Variants in PHYKPL observed in about 807,000 individuals in gnomAD.
PHYKPL encodes 5-phosphonooxy-L-lysine phospho-lyase.
In PHYKPL, 42 loss-of-function variants were observed where a neutral mutation model predicts 51.3. That is an observed-to-expected ratio of 0.82 (90% confidence interval 0.64 to 1.06). The LOEUF (loss-of-function observed/expected upper bound fraction) is 1.06, where lower values mean the gene tolerates loss of function less well. PHYKPL is among the 50% of genes least tolerant of loss of function. The pLI, the probability that PHYKPL is intolerant of heterozygous loss-of-function variation, is 0.00. For missense variants in PHYKPL, 655 were observed against 586.6 expected (o/e 1.12, Z -1.20); for synonymous variants, 264 against 236.0 (o/e 1.12, Z -1.09).
chr5:178,228,381 G>C (rs1581362898), intron 3 of PHYKPL: 2 of 618,446 alleles, frequency 3.2e-6, no homozygotes, highest in Non-Finnish European at 5.8e-6. Flanking sequence ...TGCTGGGACA[G>C]AGTAAGACAA....
chr5:178,209,796 C>T (rs1757627859), intron 12 of PHYKPL, among the ~76,000 whole-genome samples: 1 of 152,146 alleles, frequency 6.6e-6, no homozygotes, highest in African/African-American at 2.4e-5. Context: ...AGGCATTTAT[C>T]CCCTTCCATC....
intron 1 of PHYKPL, 73 bp downstream of exon 1, chr5:178,232,400 CGCGTGCGTAGTGCGTGCGT>C (rs1380950692): frequency 2.5e-5 from 33 of 1,334,492 alleles, no homozygotes; most frequent in East Asian, 9.6e-5. Flanking sequence ...TAGCCGGAGG[CGCGTGCGTAGTGCGTGCGT>C]GCGTGCGTCG....
At position 178,222,878 on chromosome 5, in the gene PHYKPL, A is replaced by G. The variant is rs370964103; in HGVS notation, c.675T>C (p.Pro225=). The G allele has an allele frequency of 1.1e-5, 18 of 1,614,026 alleles. No homozygotes were observed. The African/African-American group carries it at 2.3e-4, about 20-fold the overall frequency. The change falls in exon 7 of 13, where the codon CCT becomes CCC. Residue 225 remains proline (P), a synonymous_variant. Transcript: ENST00000308158. ...CTGCCACTTGGGAGAAGTAGCCAGC[A>G]GGGGGAATGATCTGCCCTCCCACAC... is the stretch of plus-strand genomic sequence containing the variant. ...LPSVGGQIIP[P]AGYFSQVAEH...
At chr5:178,208,968 G>GA (rs1469097668) in intron 12 of PHYKPL, 53 bp from the exon 13 acceptor site, 1 of 207,060 alleles carries the variant, frequency 4.8e-6, no homozygotes, top group Non-Finnish European at 9.9e-6. Context: ...CCTCATCTGA[G>GA]AAGTCTTGTC....
intron 3 of PHYKPL, among the ~76,000 whole-genome samples, chr5:178,227,870 T>C (rs952337266): frequency 6.6e-6 from 1 of 152,062 alleles, no homozygotes; most frequent in Non-Finnish European, 1.5e-5. Context: ...TTAAGAGGCA[T>C]CATGGAGATG....
At chr5:178,209,350 G>A (rs777269213) in intron 12 of PHYKPL, 2 of 1,614,208 alleles carry the variant, frequency 1.2e-6, no homozygotes, top group Non-Finnish European at 8.5e-7. Flanking sequence ...AGGTGGCCCA[G>A]CCCAAAGAAG....
At chr5:178,221,003 A>G (rs556525212) in intron 8 of PHYKPL, among the ~76,000 whole-genome samples, 3 of 152,266 alleles carry the variant, frequency 2.0e-5, no homozygotes, top group East Asian at 3.9e-4. Flanking sequence ...TGGGTGGAGA[A>G]GGCAACAAGA....
chr5:178,221,978 G>A (rs185383361), intron 8 of PHYKPL, among the ~76,000 whole-genome samples: 2 of 152,296 alleles, frequency 1.3e-5, no homozygotes, highest in East Asian at 3.9e-4. Context: ...CCACTGCAAT[G>A]CGAACTCTGC....
rs748429342 is a variant in PHYKPL at position 178,214,785 on chromosome 5, G to C, written c.1172+11C>G. ...TACTCCAGGAAGCAACTTGTTTCAA[G>C]AAGAAAATACCTTGATACCAAGTAG... On this transcript the variant is annotated intron_variant, in intron 10 of 12. Transcript: ENST00000308158. 1 of 1,613,528 alleles carries C rather than the reference G, an allele frequency of 6.2e-7. No homozygotes were observed. Among genetic ancestry groups the C allele is most frequent in the Non-Finnish European group, 8.5e-7 (1 of 1,179,766 alleles).
At chr5:178,211,716 G>C in intron 12 of PHYKPL, 174 bp downstream of exon 12, 2 of 595,952 alleles carry the variant, frequency 3.4e-6, no homozygotes, top group Non-Finnish European at 3.0e-6. Context: ...CTGCCATCAA[G>C]TGCAAGCTAA....
At chr5:178,210,000 G>C in intron 12 of PHYKPL, 10 of 1,303,938 alleles carry the variant, frequency 7.7e-6, no homozygotes, top group Non-Finnish European at 9.5e-6. Context: ...TTATACACCA[G>C]AACAGCAGCC....
At chr5:178,229,297 G>A (rs1189283814) in intron 3 of PHYKPL, among the ~76,000 whole-genome samples, 2 of 152,010 alleles carry the variant, frequency 1.3e-5, no homozygotes, top group African/African-American at 2.4e-5. Flanking sequence ...TAGTAGAGAC[G>A]GGGTTTCGCC....
At chr5:178,215,121 C>G (rs899225786) in intron 9 of PHYKPL, among the ~76,000 whole-genome samples, 155 bp downstream of exon 9, 5 of 152,178 alleles carry the variant, frequency 3.3e-5, no homozygotes, top group African/African-American at 1.2e-4. Context: ...TTCTCCTCCC[C>G]AGGAGAGCCG....
chr5:178,213,606 CTT>C (rs1759117538), intron 10 of PHYKPL, among the ~76,000 whole-genome samples: 1 of 152,232 alleles, frequency 6.6e-6, no homozygotes, highest in Non-Finnish European at 1.5e-5. Flanking sequence ...ATGGCTTTAT[CTT>C]AACATCATTT....
At chr5:178,224,766 C>A (rs757640456) in intron 4 of PHYKPL, 37 bp from the exon 5 acceptor site, 8 of 1,535,832 alleles carry the variant, frequency 5.2e-6, no homozygotes, top group African/African-American at 1.4e-5. Flanking sequence ...CGGGTCCGGG[C>A]AGCACCTACT....
rs747305276 is a variant in PHYKPL, at chr5:178,212,992, C to T, written c.1284G>A (p.Lys428=). The T allele has an allele frequency of 5.0e-6, 8 of 1,614,152 alleles. No individual in the cohort carries two copies. The highest frequency in any genetic ancestry group is 4.2e-6 in the Non-Finnish European group (5 of 1,180,010). ...GCTCACCAGTCAGAATGGCATCCAG[C>T]TTTGCCACCACCTGCCGTGCATTGT... ...SLDNARQVVA[K]LDAILTDMEE... is the part of the protein sequence containing the mutation. Residue 428 remains lysine (K), a synonymous_variant, in exon 11 of 13, where the codon AAG becomes AAA. Coordinates refer to ENST00000308158, the MANE Select transcript of PHYKPL (RefSeq NM_153373.4).
Position 178,230,155 on chromosome 5 carries a change from G to A in PHYKPL, c.179-56C>T, listed in dbSNP as rs993052256. On this transcript the variant is annotated intron_variant, in intron 2 of 12. Transcript: ENST00000308158. ...GGCTCCACTCAGCCAGTCCCACTGG[G>A]CCTCCCCCAGCCCCAAGCTATAAAC... 3 of 1,600,998 alleles carry A rather than the reference G, an allele frequency of 1.9e-6. No individual in the cohort carries two copies. The Admixed American group carries it at 5.0e-5, about 27-fold the overall frequency.
chr5:178,222,838 G>C lies in PHYKPL; in HGVS notation c.701+14C>G. 1 of 1,613,744 alleles carries C rather than the reference G, an allele frequency of 6.2e-7. No individual in the cohort carries two copies. Among genetic ancestry groups the C allele is most frequent in the Non-Finnish European group, 8.5e-7 (1 of 1,179,744 alleles). ...CCCTGCCCTCCCTAGAGCAGACCCC[G>C]CCCACCTACTCACTCTGCCACTTGG... On this transcript the variant is annotated intron_variant, in intron 7 of 12. Coordinates refer to ENST00000308158, the MANE Select transcript of PHYKPL (RefSeq NM_153373.4).
At chr5:178,232,213 G>A (rs893829429) in intron 1 of PHYKPL, 2 of 1,256,734 alleles carry the variant, frequency 1.6e-6, no homozygotes, top group Non-Finnish European at 2.0e-6. Context: ...TGACACAGCC[G>A]AACAGCGGTG....
Sources: gnomAD v4.1 joint callset for allele counts (sites outside exome capture counted in the v4.1 genomes callset) on GRCh38, gnomAD v4.1.1 for gene constraint, MANE v1.5 for transcripts, NCBI Gene and HGNC (gene_info 2026-07-23, HGNC 2026-07-21) for gene names.